The following TMC7 variants were observed in gnomAD, a reference collection of about 807,000 sequenced individuals.
TMC7 encodes the protein transmembrane channel-like protein 7.
In TMC7, 54 loss-of-function variants were observed where a neutral mutation model predicts 82.9. The ratio of observed to expected loss-of-function variants is 0.65; its 90% CI spans 0.52 to 0.82. The LOEUF (loss-of-function observed/expected upper bound fraction) is 0.82, where lower values mean the gene tolerates loss of function less well. Ranked by LOEUF, TMC7 falls within the 40% of genes least tolerant of loss-of-function variation. The pLI is 0.00. For synonymous variants in TMC7, 350 were observed against 337.9 expected (o/e 1.04, Z -0.39); for missense variants, 820 against 901.2 (o/e 0.91, Z 1.15).
chr16:19,055,811 C>G (rs910741401), intron 13 of TMC7, among the ~76,000 whole-genome samples: 1 of 151,970 alleles, frequency 6.6e-6, no homozygotes, highest in Admixed American at 6.6e-5. Context: ...CTATACCTAC[C>G]CCCGTCACCT....
intron 5 of TMC7, among the ~76,000 whole-genome samples, chr16:19,028,355 C>G (rs973768952): frequency 2.0e-5 from 3 of 150,554 alleles, no homozygotes; most frequent in East Asian, 3.9e-4. Context: ...GGCAACATGG[C>G]GAGACCATAT....
chr16:19,016,409 C>T (rs1345707640), intron 2 of TMC7, 41 bp from the exon 3 acceptor site: 1 of 1,611,364 alleles, frequency 6.2e-7, no homozygotes, highest in South Asian at 1.1e-5. Context: ...AGTCTTGATG[C>T]TGCTGTTGTT....
At chr16:19,029,319 C>G (rs895121829) in intron 5 of TMC7, among the ~76,000 whole-genome samples, 1 of 151,752 alleles carries the variant, frequency 6.6e-6, no homozygotes, top group African/African-American at 2.4e-5. Flanking sequence ...ATTTGCACTT[C>G]CTTAGTTAAA....
In TMC7 at chr16:19,063,763, AT is replaced by A. The variant is rs1382675417; in HGVS notation, c.*1922del. ...ATAAAAGTGATACTGAAATATGCTA[AT>A]TAATATATTAATTTTAGTTAAATGC... On this transcript the variant is annotated 3_prime_UTR_variant, in exon 16 of 16. Transcript: ENST00000304381. 6.6e-6 allele frequency: 1 copy of A among 151,920 alleles called. No homozygotes were observed. Among genetic ancestry groups the A allele is most frequent in the Non-Finnish European group, 1.5e-5 (1 of 68,016 alleles). The allele number at this position is 151,920 out of a possible 1,614,324, so 9.4% of individuals were successfully genotyped here. A position where few individuals can be genotyped will look rare whatever the true frequency, so the allele number is the denominator to read the frequency against.
At position 19,051,695 on chromosome 16, in the gene TMC7, C is replaced by G. The variant is rs1002235052; in HGVS notation, c.1750C>G (p.Leu584Val). 3.7e-6 allele frequency: 6 copies of G among 1,613,878 alleles called. No individual in the cohort carries two copies. The highest frequency in any genetic ancestry group is 2.2e-5 in the South Asian group (2 of 91,084). ...IIFYVKEWSLLYTCRPSPRPF... is the reference protein window; with the variant it reads ...IIFYVKEWSLVYTCRPSPRPF... ...CTTTTTCTCCTTGTAGTGGAGTCTG[C>G]TTTACACCTGCAGACCCTCCCCCAG... Residue 584 changes from leucine (L) to valine (V), a missense_variant, in exon 13 of 16, where the codon CTT (leucine) becomes GTT (valine). By Grantham distance (32) the Leu-to-Val change is conservative. Transcript: ENST00000304381.
chr16:19,006,208 T>TG (rs1255001488), intron 1 of TMC7, among the ~76,000 whole-genome samples: 1 of 151,866 alleles, frequency 6.6e-6, no homozygotes, highest in Non-Finnish European at 1.5e-5. Context: ...GTGACCTTTT[T>TG]TTTTTTTTTT....
chr16:19,016,441 T>A lies in TMC7; in HGVS notation c.312-9T>A. On this transcript the variant is annotated splice_polypyrimidine_tract_variant and intron_variant, in intron 2 of 15. Transcript: ENST00000304381. ...TGTTGTCATTGTCATGATCATGTTT[T>A]CCATGCAGGGACATTCAAGAGACAC... 1 of 1,614,004 alleles carries A rather than the reference T, an allele frequency of 6.2e-7. No individual in the cohort carries two copies. Among genetic ancestry groups the A allele is most frequent in the South Asian group, 1.1e-5 (1 of 91,078 alleles).
In TMC7 at chr16:19,045,522, C is replaced by T. The variant is rs2142284861; in HGVS notation, c.1553+84C>T. 3 of 962,298 alleles carry T rather than the reference C, an allele frequency of 3.1e-6. No individual in the cohort carries two copies. In the African/African-American group the frequency reaches 4.8e-5, roughly 15 times the overall value. 59.6% of individuals were successfully genotyped at this position (962,298 alleles called of 1,614,324 possible). A position where few individuals can be genotyped will look rare whatever the true frequency, so the allele number is the denominator to read the frequency against. On this transcript the variant is annotated intron_variant, in intron 11 of 15. Coordinates refer to ENST00000304381, the MANE Select transcript of TMC7 (RefSeq NM_024847.4). ...ACACACACACACAACTGGAGGGTCC[C>T]ATTGCAGCTGCATTCCAGAAGCTGC...
intron 2 of TMC7, among the ~76,000 whole-genome samples, chr16:19,009,955 A>G (rs2142172956): frequency 6.6e-6 from 1 of 151,234 alleles, no homozygotes; most frequent in East Asian, 1.9e-4. Context: ...AAAAAAAAAA[A>G]AAGAAGTTTC....
intron 3 of TMC7, 107 bp downstream of exon 3, chr16:19,016,705 C>T: frequency 8.0e-7 from 1 of 1,243,560 alleles, no homozygotes; most frequent in Non-Finnish European, 1.1e-6. Flanking sequence ...GCATTTCTTT[C>T]CATGATGAAT....
rs867702845 is a variant in TMC7 at position 19,035,815 on chromosome 16, G to A, written c.997G>A (p.Glu333Lys). 2.5e-6 allele frequency: 4 copies of A among 1,585,700 alleles called. No homozygotes were observed. Among genetic ancestry groups the A allele is most frequent in the East Asian group, 4.5e-5 (2 of 44,612 alleles). Reference protein sequence around the residue: ...ADLKHSSLRYELRADLEEERM... With the variant: ...ADLKHSSLRYKLRADLEEERM... ...TCTGAAGCACAGCAGCTTGCGGTAC[G>A]AGCTCCGAGTGAGTGCTCCTGAGTT... Residue 333 changes from glutamate to lysine, a missense_variant, in exon 7 of 16, where the codon GAG becomes AAG. Around this residue, in one of 2 missense-constraint regions of TMC7, gnomAD observed 650 missense variants for 669.9 expected, o/e 0.97. Coordinates refer to ENST00000304381, the MANE Select transcript of TMC7 (RefSeq NM_024847.4).
intron 3 of TMC7, 102 bp downstream of exon 3, chr16:19,016,700 T>C: frequency 1.6e-6 from 2 of 1,276,214 alleles, no homozygotes; most frequent in Middle Eastern, 2.8e-4. Context: ...ATTGAGCATT[T>C]CTTTCCATGA....
At chr16:19,036,009 A>G (rs1487825939) in intron 7 of TMC7, among the ~76,000 whole-genome samples, 186 bp downstream of exon 7, 1 of 152,164 alleles carries the variant, frequency 6.6e-6, no homozygotes, top group Non-Finnish European at 1.5e-5. Context: ...TGATTACCCT[A>G]GACCTGAACA....
At chr16:19,029,658 A>G (rs982258680) in intron 5 of TMC7, among the ~76,000 whole-genome samples, 5 of 150,160 alleles carry the variant, frequency 3.3e-5, no homozygotes, top group Admixed American at 3.3e-4. Context: ...TACAGGTGTG[A>G]GCCACCACGC....
rs199948409 is a variant in TMC7, at chr16:19,045,000, C to T, written c.1454C>T (p.Pro485Leu). The T allele has an allele frequency of 2.1e-5, 34 of 1,610,876 alleles. No homozygotes were observed. Among genetic ancestry groups the T allele is most frequent in the African/African-American group, 6.7e-5 (5 of 74,846 alleles). The stretch of plus-strand genomic sequence containing the variant: ...TGCGGCTACAACCAGAAACTCTACC[C>T]GGTGAGTTGCGGGGCGGGGGCGTTC... ...DLCGYNQKLYPCWETQVGQEM... is the reference protein window; with the variant it reads ...DLCGYNQKLYLCWETQVGQEM... Residue 485 changes from proline to leucine, a missense_variant and splice_region_variant, in exon 10 of 16, where the codon CCG becomes CTG. Around this residue, in one of 2 missense-constraint regions of TMC7, gnomAD observed 650 missense variants for 669.9 expected, o/e 0.97. Transcript: ENST00000304381.
chr16:19,061,828 G>A lies in TMC7; in HGVS notation c.2157G>A (p.Arg719=), dbSNP rs1428195829. The change falls in exon 16 of 16, where the codon AGG becomes AGA. Residue 719 remains arginine, a synonymous_variant. Coordinates refer to ENST00000304381, the MANE Select transcript of TMC7 (RefSeq NM_024847.4). The part of the protein sequence containing the change: ...YLIQKLTEAQ[R]DMRN Reference sequence around the variant, plus strand: ...TCCAGAAACTAACAGAAGCCCAAAGGGACATGAGGAACTAACTAGACTGAG... The same window carrying A: ...TCCAGAAACTAACAGAAGCCCAAAGAGACATGAGGAACTAACTAGACTGAG... 2 of 1,613,638 alleles carry A rather than the reference G, an allele frequency of 1.2e-6. No individual in the cohort carries two copies. Among genetic ancestry groups the A allele is most frequent in the Admixed American group, 1.7e-5 (1 of 59,952 alleles).
In TMC7 at chr16:19,009,376, G is replaced by A. The variant is rs139490833; in HGVS notation, c.272G>A (p.Arg91Gln). ...GAAAACCTCAGCAGCCATTCTCTTC[G>A]AAATTATGCACTGAACATCTCTGAG... The part of the protein sequence containing the change: ...IAENLSSHSL[R>Q]NYALNISEKR... The change falls in exon 2 of 16, where the codon CGA (arginine) becomes CAA (glutamine). Residue 91 changes from arginine (R) to glutamine (Q), a missense_variant. Arg to Gln is a conservative substitution (Grantham distance 43, BLOSUM62 1). Around this residue, in one of 2 missense-constraint regions of TMC7, gnomAD observed 650 missense variants for 669.9 expected, o/e 0.97. Transcript: ENST00000304381. The A allele has an allele frequency of 6.2e-6, 10 of 1,614,112 alleles. No individual in the cohort carries two copies. The highest frequency in any genetic ancestry group is 1.7e-5 in the Admixed American group (1 of 60,000).
chr16:19,003,503 G>C (rs1490124043), intron 1 of TMC7, among the ~76,000 whole-genome samples: 1 of 150,246 alleles, frequency 6.7e-6, no homozygotes, highest in Admixed American at 6.6e-5. Flanking sequence ...GAGCCCCTCT[G>C]CCCGGCCACC....
At position 19,045,324 on chromosome 16, in the gene TMC7, ACTCT is replaced by A. The variant is rs762017230; in HGVS notation, c.1456-14_1456-11del. On this transcript the variant is annotated splice_polypyrimidine_tract_variant and intron_variant, in intron 10 of 15. Coordinates refer to ENST00000304381, the MANE Select transcript of TMC7 (RefSeq NM_024847.4). ...CAGCTAGGGTCTTTCAGTTTCCCTC[ACTCT>A]CTTTGATTTCAGTGCTGGGAGACCC... is the stretch of plus-strand genomic sequence containing the variant. 2.5e-6 allele frequency: 4 copies of A among 1,603,870 alleles called. No individual in the cohort carries two copies. In the South Asian group the frequency reaches 3.3e-5, roughly 13 times the overall value.
Sources: allele counts gnomAD v4.1 joint callset (sites outside exome capture counted in the v4.1 genomes callset), GRCh38; gene constraint gnomAD v4.1.1; regional missense constraint gnomAD v4.1.1; transcripts MANE v1.5; gene names NCBI Gene and HGNC (gene_info 2026-07-23, HGNC 2026-07-21).